The following ATIC variants were observed in gnomAD, a reference collection of about 807,000 sequenced individuals.
The protein encoded by ATIC is bifunctional purine biosynthesis protein ATIC.
Under a neutral mutation model 72.5 loss-of-function variants are expected in ATIC, and 64 were observed. The ratio of observed to expected loss-of-function variants is 0.88; its 90% CI spans 0.72 to 1.09. The LOEUF (loss-of-function observed/expected upper bound fraction) is 1.09. ATIC is among the 50% of genes least tolerant of loss of function. ATIC has a pLI of 0.00. For missense variants in ATIC, 787 were observed against 732.4 expected (o/e 1.07, Z -0.86); for synonymous variants, 281 against 267.1 (o/e 1.05, Z -0.51).
the ATIC span, among the ~76,000 whole-genome samples, chr2:215,356,141 G>A: frequency 3.3e-5 from 5 of 152,184 alleles, no homozygotes; most frequent in Non-Finnish European, 5.9e-5. Flanking sequence ...GCTCTGAAGA[G>A]CAAATGAGAC....
At chr2:215,318,765 C>T (rs911436843) in intron 3 of ATIC, among the ~76,000 whole-genome samples, 7 of 152,126 alleles carry the variant, frequency 4.6e-5, no homozygotes, top group Non-Finnish European at 7.4e-5. Context: ...CTTACAGAAA[C>T]GCATAGACTG....
the ATIC span, among the ~76,000 whole-genome samples, chr2:215,358,891 T>G: frequency 6.6e-6 from 1 of 152,232 alleles, no homozygotes; most frequent in East Asian, 1.9e-4. Flanking sequence ...TTTTTAAATT[T>G]TTTATTTTTG....
chr2:215,349,034 A>C lies in ATIC; in HGVS notation c.1504-60A>C, dbSNP rs567031724. 4.4e-6 allele frequency: 7 copies of C among 1,575,020 alleles called. No individual in the cohort carries two copies. The African/African-American group carries it at 6.8e-5, about 15-fold the overall frequency. ...GGTGCTTTCTGGCATGGTGATTTGCACCACATAGAACTAAAGACGATGTCA... is the reference window on the plus strand; with the variant it reads ...GGTGCTTTCTGGCATGGTGATTTGCCCCACATAGAACTAAAGACGATGTCA... On this transcript the variant is annotated intron_variant, in intron 14 of 15. Coordinates refer to ENST00000236959, the MANE Select transcript of ATIC (RefSeq NM_004044.7).
chr2:215,316,165 A>G lies in ATIC; in HGVS notation c.147-1992A>G, dbSNP rs1410688273. The stretch of plus-strand genomic sequence containing the variant: ...ATGTATAAATTCTTCAGTTCAAAGG[A>G]GTAGCAAGCTTTTTAATTACCCCAA... On this transcript the variant is annotated intron_variant, in intron 2 of 15. Transcript: ENST00000236959. 2.0e-5 allele frequency among the ~76,000 whole-genome samples: 3 copies of G among 152,150 alleles called. No homozygotes were observed. In the East Asian group the frequency reaches 5.8e-4, roughly 29 times the overall value.
Position 215,312,615 on chromosome 2 carries a change from T to TG in ATIC, c.139dup (p.Ala47GlyfsTer7). 1.9e-6 allele frequency: 3 copies of TG among 1,614,232 alleles called. No homozygotes were observed. Among genetic ancestry groups the TG allele is most frequent in the Non-Finnish European group, 2.5e-6 (3 of 1,180,040 alleles). ...GCAAAAGCTCTCAGGGATGCTGGTC[T>TG]GGCAGTCAGGTAAGGCATAGCTAGT... On this transcript the variant is annotated frameshift_variant, in exon 2 of 16. Coordinates refer to ENST00000236959, the MANE Select transcript of ATIC (RefSeq NM_004044.7). LOFTEE classifies it high-confidence loss of function.
intron 9 of ATIC, among the ~76,000 whole-genome samples, chr2:215,333,924 C>T (rs1322740554): frequency 1.3e-5 from 2 of 151,554 alleles, no homozygotes; most frequent in African/African-American, 2.4e-5. Context: ...TACCTGTAGT[C>T]CCAGGTACTC....
chr2:215,366,982 C>T, the ATIC span, among the ~76,000 whole-genome samples: 3 of 152,206 alleles, frequency 2.0e-5, no homozygotes, highest in Non-Finnish European at 4.4e-5. Context: ...GCTTTTACAA[C>T]TTCAGTCTGG....
the ATIC span, chr2:215,363,212 A>G: frequency 6.6e-6 from 1 of 152,168 alleles, no homozygotes; most frequent in African/African-American, 2.4e-5. Flanking sequence ...ACTTGAGAAT[A>G]GAATAAGTGT....
chr2:215,343,408 C>G (rs2053040517), intron 12 of ATIC, among the ~76,000 whole-genome samples: 1 of 152,162 alleles, frequency 6.6e-6, no homozygotes, highest in Non-Finnish European at 1.5e-5. Flanking sequence ...ATGATCTTGT[C>G]TCACTGCAGC....
chr2:215,316,900 T>C (rs1187793785), intron 2 of ATIC, among the ~76,000 whole-genome samples: 1 of 152,102 alleles, frequency 6.6e-6, no homozygotes, highest in Non-Finnish European at 1.5e-5. Flanking sequence ...GTAGCTGGGA[T>C]TATAGGCATG....
Position 215,328,949 on chromosome 2 carries a change from T to C in ATIC, c.688+1971T>C, listed in dbSNP as rs552630887. ...CCAGGCTGGTTTTGAACTCCTGACCTCAGGTGATCTGCCTGCCTCGGCCTC... is the reference window on the plus strand; with the variant it reads ...CCAGGCTGGTTTTGAACTCCTGACCCCAGGTGATCTGCCTGCCTCGGCCTC... On this transcript the variant is annotated intron_variant, in intron 7 of 15. Transcript: ENST00000236959. Among the ~76,000 whole-genome samples, 254 of 152,268 alleles carry C rather than the reference T, an allele frequency of 1.7e-3. 1 individual carries two copies. Among genetic ancestry groups the C allele is most frequent in the Non-Finnish European group, 3.2e-3 (217 of 68,022 alleles).
At chr2:215,350,239 C>T (rs1454144184), downstream of ATIC, among the ~76,000 whole-genome samples, 2 of 152,122 alleles carry the variant, frequency 1.3e-5, no homozygotes, top group Admixed American at 6.5e-5. Context: ...CGGGTTCAAG[C>T]GATTCTCCTG....
chr2:215,341,932 C>G (rs968225761), intron 12 of ATIC, among the ~76,000 whole-genome samples: 9 of 152,100 alleles, frequency 5.9e-5, no homozygotes, highest in Admixed American at 5.2e-4. Flanking sequence ...CCTCAGGAAT[C>G]TTATAATCAT....
intron 14 of ATIC, among the ~76,000 whole-genome samples, chr2:215,347,839 A>T (rs971886387): frequency 2.0e-5 from 3 of 152,206 alleles, no homozygotes; most frequent in Non-Finnish European, 4.4e-5. Flanking sequence ...CTTGTAAAAT[A>T]TGATTAACTG....
chr2:215,364,465 C>T, the ATIC span: 1 of 277,352 alleles, frequency 3.6e-6, no homozygotes, highest in Non-Finnish European at 7.0e-6. Context: ...TGGGGAGAAC[C>T]GGCTGAAATG....
chr2:215,318,267 C>G, intron 3 of ATIC, 34 bp downstream of exon 3: 1 of 1,569,648 alleles, frequency 6.4e-7, no homozygotes, highest in Non-Finnish European at 8.8e-7. Context: ...TAAAAACAGT[C>G]AGTGGTTTCC....
chr2:215,319,788 C>T, intron 4 of ATIC, 57 bp downstream of exon 4: 1 of 1,351,910 alleles, frequency 7.4e-7, no homozygotes. Context: ...AAGACTATGC[C>T]AAACCTGGTG....
rs757743323 is a variant in ATIC at position 215,349,550 on chromosome 2, C to T, written c.1674C>T (p.Tyr558=). The T allele has an allele frequency of 1.9e-6, 3 of 1,614,072 alleles. No homozygotes were observed. In the South Asian group the frequency reaches 3.3e-5, roughly 18 times the overall value. The change falls in exon 16 of 16, where the codon TAC becomes TAT. Residue 558 remains tyrosine (Y), a synonymous_variant. Coordinates refer to ENST00000236959, the MANE Select transcript of ATIC (RefSeq NM_004044.7). ...VDRAKRSGVA[Y]IAAPSGSAAD... ...ACTTCCCCCAGAGTGGTGTGGCGTA[C>T]ATTGCGGCTCCCTCCGGTTCTGCTG...
chr2:215,356,721 T>A, the ATIC span, among the ~76,000 whole-genome samples: 1 of 152,234 alleles, frequency 6.6e-6, no homozygotes, highest in African/African-American at 2.4e-5. Flanking sequence ...CTCTTTCGTG[T>A]CTGGCTTCAA....
Sources: gnomAD v4.1 joint callset for allele counts (sites outside exome capture counted in the v4.1 genomes callset) on GRCh38, gnomAD v4.1.1 for gene constraint, MANE v1.5 for transcripts, NCBI Gene and HGNC (gene_info 2026-07-23, HGNC 2026-07-21) for gene names.